Variants in CDH6 observed in about 807,000 individuals in gnomAD.
CDH6 encodes the protein cadherin 6.
Under a neutral mutation model 78.0 loss-of-function variants are expected in CDH6, and 31 were observed. That is an observed-to-expected ratio of 0.40 (90% CI 0.30 to 0.54). CDH6 has a LOEUF of 0.54. CDH6 is among the 20% of genes least tolerant of loss of function. The pLI is 0.56. For missense variants in CDH6, 724 were observed against 975.9 expected (o/e 0.74, Z 3.44); for synonymous variants, 376 against 368.8 (o/e 1.02, Z -0.23).
chr5:31,212,321 G>A (rs1740730312), intron 1 of CDH6, among the ~76,000 whole-genome samples: 1 of 151,990 alleles, frequency 6.6e-6, no homozygotes, highest in Non-Finnish European at 1.5e-5. Flanking sequence ...GGAGGTCCTG[G>A]GTATTTTTAA....
chr5:31,222,072 A>C (rs566893498), intron 1 of CDH6, among the ~76,000 whole-genome samples: 2 of 152,266 alleles, frequency 1.3e-5, no homozygotes, highest in South Asian at 4.1e-4. Flanking sequence ...ACCTTTTTCT[A>C]TTGTAGTTTT....
At chr5:31,285,461 G>A (rs1478418935) in intron 2 of CDH6, among the ~76,000 whole-genome samples, 1 of 152,110 alleles carries the variant, frequency 6.6e-6, no homozygotes. Context: ...CCTAATAACA[G>A]TAAAGTGTCT....
intron 1 of CDH6, among the ~76,000 whole-genome samples, chr5:31,222,064 C>A (rs187562344): frequency 1.3e-5 from 2 of 152,208 alleles, no homozygotes; most frequent in Non-Finnish European, 2.9e-5. Flanking sequence ...TATAAAATAC[C>A]TTTTTCTATT....
At chr5:31,200,683 G>A (rs1344795876) in intron 1 of CDH6, among the ~76,000 whole-genome samples, 2 of 151,426 alleles carry the variant, frequency 1.3e-5, no homozygotes, top group Middle Eastern at 3.4e-3. Flanking sequence ...AGAAAGGGAG[G>A]GAAGTTGGGA....
chr5:31,277,469 T>C (rs1742729195), intron 2 of CDH6, among the ~76,000 whole-genome samples: 4 of 152,238 alleles, frequency 2.6e-5, no homozygotes, highest in Admixed American at 2.0e-4. Context: ...CGTAATCTCC[T>C]TATATAATTG....
intron 1 of CDH6, among the ~76,000 whole-genome samples, chr5:31,212,950 A>G (rs1740757289): frequency 6.6e-6 from 1 of 152,156 alleles, no homozygotes; most frequent in Non-Finnish European, 1.5e-5. Context: ...TCATTTATTC[A>G]TACTCATTCA....
chr5:31,231,477 G>A (rs1356226582), intron 1 of CDH6, among the ~76,000 whole-genome samples: 1 of 152,180 alleles, frequency 6.6e-6, no homozygotes, highest in Non-Finnish European at 1.5e-5. Flanking sequence ...GCCTGAAACT[G>A]GGTAATTTAT....
At chr5:31,272,528 A>C (rs549303803) in intron 2 of CDH6, among the ~76,000 whole-genome samples, 2 of 152,346 alleles carry the variant, frequency 1.3e-5, no homozygotes, top group East Asian at 3.9e-4. Flanking sequence ...ATAAGAAAAA[A>C]AGAGCACAGG....
intron 1 of CDH6, among the ~76,000 whole-genome samples, chr5:31,239,771 G>A (rs923787402): frequency 1.3e-5 from 2 of 152,158 alleles, no homozygotes; most frequent in East Asian, 3.9e-4. Context: ...TTGCACAAAG[G>A]CTGTCTATTA....
chr5:31,237,520 A>C (rs1303651871), intron 1 of CDH6, among the ~76,000 whole-genome samples: 1 of 152,196 alleles, frequency 6.6e-6, no homozygotes, highest in Non-Finnish European at 1.5e-5. Flanking sequence ...ATTCCTCACC[A>C]ACAGTAATAA....
At chr5:31,271,648 C>G (rs1021448920) in intron 2 of CDH6, among the ~76,000 whole-genome samples, 2 of 152,066 alleles carry the variant, frequency 1.3e-5, no homozygotes, top group East Asian at 1.9e-4. Context: ...TTTCTGAGTT[C>G]GTGAGTTTAA....
At chr5:31,280,705 T>C (rs1288779854) in intron 2 of CDH6, among the ~76,000 whole-genome samples, 1 of 152,038 alleles carries the variant, frequency 6.6e-6, no homozygotes, top group Non-Finnish European at 1.5e-5. Flanking sequence ...CGTCAGATAG[T>C]ATGAATTTCT....
At chr5:31,243,629 A>G (rs1244351292) in intron 1 of CDH6, among the ~76,000 whole-genome samples, 3 of 152,098 alleles carry the variant, frequency 2.0e-5, no homozygotes, top group African/African-American at 7.2e-5. Context: ...CCTGCTTGAC[A>G]CTTCCCTCCC....
chr5:31,220,392 T>C (rs1159942654), intron 1 of CDH6, among the ~76,000 whole-genome samples: 1 of 152,232 alleles, frequency 6.6e-6, no homozygotes, highest in Admixed American at 6.5e-5. Flanking sequence ...GCACTCCTTA[T>C]ATCTCATAGT....
intron 1 of CDH6, among the ~76,000 whole-genome samples, chr5:31,199,220 C>A (rs1287548853): frequency 2.0e-5 from 3 of 151,390 alleles, no homozygotes; most frequent in African/African-American, 7.3e-5. Flanking sequence ...TATATATATA[C>A]ACACACATAC....
At chr5:31,238,603 G>A (rs951221281) in intron 1 of CDH6, among the ~76,000 whole-genome samples, 3 of 152,204 alleles carry the variant, frequency 2.0e-5, no homozygotes, top group African/African-American at 7.2e-5. Context: ...GTGTTTTAAA[G>A]AGAATGGAAA....
At chr5:31,283,806 A>G (rs1373465168) in intron 2 of CDH6, among the ~76,000 whole-genome samples, 2 of 146,882 alleles carry the variant, frequency 1.4e-5, no homozygotes, top group African/African-American at 2.4e-5. Context: ...TAGATTTTCT[A>G]GATTCTCTCT....
At chr5:31,300,255 T>C (rs993259390) in intron 5 of CDH6, among the ~76,000 whole-genome samples, 10 of 152,156 alleles carry the variant, frequency 6.6e-5, no homozygotes, top group Non-Finnish European at 1.0e-4. Context: ...AATTCTCACA[T>C]AGAGCTACCC....
chr5:31,233,490 G>A (rs919707420), intron 1 of CDH6, among the ~76,000 whole-genome samples: 1 of 146,752 alleles, frequency 6.8e-6, no homozygotes, highest in Non-Finnish European at 1.5e-5. Context: ...ACTCCAGCTG[G>A]CATGACAGAG....
Sources: gnomAD v4.1 joint callset for allele counts (sites outside exome capture counted in the v4.1 genomes callset) on GRCh38, gnomAD v4.1.1 for gene constraint, MANE v1.5 for transcripts, NCBI Gene and HGNC (gene_info 2026-07-23, HGNC 2026-07-21) for gene names.